Variants in GABRR2 observed in about 807,000 individuals in gnomAD.
The protein encoded by GABRR2 is gamma-aminobutyric acid type A receptor subunit rho2.
Under a neutral mutation model 47.0 loss-of-function variants are expected in GABRR2, and 36 were observed. That is an observed-to-expected ratio of 0.77 (90% CI 0.59 to 1.01). The LOEUF is 1.01. Among genes scored for constraint, GABRR2 ranks in the 50% least tolerant of loss-of-function variants. GABRR2 has a pLI of 0.00. For missense variants in GABRR2, 587 were observed against 594.6 expected, an observed-to-expected ratio of 0.99 and a Z score of 0.13; for synonymous variants, 204 against 227.5, an observed-to-expected ratio of 0.90 and a Z score of 0.93.
Position 89,257,799 on chromosome 6 carries a change from C to T in GABRR2, c.1269G>A (p.Lys423=), listed in dbSNP as rs1288180857. The change falls in exon 9 of 9, where the codon AAG becomes AAA. Residue 423 remains lysine (K), a synonymous_variant. Coordinates refer to ENST00000402938, the MANE Select transcript of GABRR2 (RefSeq NM_002043.5). ...AACCCGTCTGGCCCTTCAGAAGCCC[C>T]TTCTTTCTGGCAGCGTTGGCTTCAC... ...LSGEANAARK[K]GLLKGQTGFR... is the part of the protein sequence containing the mutation. The T allele has an allele frequency of 2.5e-6, 4 of 1,614,038 alleles. No homozygotes were observed. The highest frequency in any genetic ancestry group is 3.4e-6 in the Non-Finnish European group (4 of 1,179,890).
Position 89,257,070 on chromosome 6 carries a change from G to A in GABRR2, c.*600C>T, listed in dbSNP as rs1773616063. Reference sequence around the variant, plus strand: ...TCATTTCTACCGTACCTGGCACAGAGTGGGACCTCAATATTTAATGAATGG... The same window carrying A: ...TCATTTCTACCGTACCTGGCACAGAATGGGACCTCAATATTTAATGAATGG... On this transcript the variant is annotated 3_prime_UTR_variant, in exon 9 of 9. Coordinates refer to ENST00000402938, the MANE Select transcript of GABRR2 (RefSeq NM_002043.5). 6.5e-6 allele frequency: 1 copy of A among 152,920 alleles called. No individual in the cohort carries two copies. Among genetic ancestry groups the A allele is most frequent in the Non-Finnish European group, 1.5e-5 (1 of 68,614 alleles). The allele number at this position is 152,920 out of a possible 1,614,324, so 9.5% of individuals were successfully genotyped here. A position where few individuals can be genotyped will look rare whatever the true frequency, so the allele number is the denominator to read the frequency against.
chr6:89,300,497 G>A (rs576239009), intron 1 of GABRR2, among the ~76,000 whole-genome samples: 42 of 142,096 alleles, frequency 3.0e-4, no homozygotes, highest in African/African-American at 8.1e-4. Flanking sequence ...AGACTCTGTC[G>A]CAAAAAAAAA....
At position 89,292,343 on chromosome 6, in the gene GABRR2, A is replaced by T. The variant is rs1439974005; in HGVS notation, c.220+7416T>A. ...CAGCATGGTGGTTTCTCAAAAAAAA[A>T]TTTTATATATATATATATATATATA... On this transcript the variant is annotated intron_variant, in intron 2 of 8. Transcript: ENST00000402938. Among the ~76,000 whole-genome samples, 14 of 37,308 alleles carry T rather than the reference A, an allele frequency of 3.8e-4. 1 individual carries two copies. Among genetic ancestry groups the T allele is most frequent in the Admixed American group, 4.3e-4 (1 of 2,352 alleles). 24.5% of individuals were successfully genotyped at this position (37,308 alleles called of 152,430 possible).
At chr6:89,303,689 C>T (rs1226547617) in intron 1 of GABRR2, among the ~76,000 whole-genome samples, 1 of 142,228 alleles carries the variant, frequency 7.0e-6, no homozygotes, top group Non-Finnish European at 1.5e-5. Context: ...GGAGACATCA[C>T]ATTACCTGAC....
intron 2 of GABRR2, among the ~76,000 whole-genome samples, chr6:89,272,751 GAA>G (rs1284382159): frequency 6.6e-6 from 1 of 152,190 alleles, no homozygotes; most frequent in African/African-American, 2.4e-5. Flanking sequence ...TGAGCGGGGA[GAA>G]CCTTGGGGGG....
In GABRR2 at chr6:89,292,779, CGTATATACG is replaced by C. The variant is rs1562379677; in HGVS notation, c.220+6971_220+6979del. On this transcript the variant is annotated intron_variant, in intron 2 of 8. Transcript: ENST00000402938. ...CGTATATACGATATATCGTATATATCGTATATACGATATATCGTATATATCGTATATACG... is the reference window on the plus strand; with the variant it reads ...CGTATATACGATATATCGTATATATCATATATCGTATATATCGTATATACG... Among the ~76,000 whole-genome samples, 167 of 90,890 alleles carry C rather than the reference CGTATATACG, an allele frequency of 1.8e-3. 15 individuals are homozygous for C. Among genetic ancestry groups the C allele is most frequent in the South Asian group, 4.5e-3 (11 of 2,430 alleles). The allele number at this position is 90,890 out of a possible 152,430, so 59.6% of individuals were successfully genotyped here.
At chr6:89,282,317 C>T (rs1216727268) in intron 2 of GABRR2, among the ~76,000 whole-genome samples, 1 of 152,146 alleles carries the variant, frequency 6.6e-6, no homozygotes, top group African/African-American at 2.4e-5. Context: ...CCTACAGCTC[C>T]CCAGGGGTTG....
rs114310069 is a variant in GABRR2, at chr6:89,291,479, C to T, written c.220+8280G>A. On this transcript the variant is annotated intron_variant, in intron 2 of 8. Transcript: ENST00000402938. Reference sequence around the variant, plus strand: ...CTCTGCACTCCCTCCTGTCTACACACGCACACACTAGATATAATCCAGCCA... The same window carrying T: ...CTCTGCACTCCCTCCTGTCTACACATGCACACACTAGATATAATCCAGCCA... Among the ~76,000 whole-genome samples the T allele has an allele frequency of 9.1e-3, 1,387 of 152,146 alleles. 21 individuals are homozygous for T. Among genetic ancestry groups the T allele is most frequent in the African/African-American group, 0.032 (1,308 of 41,494 alleles).
At chr6:89,274,379 T>G (rs1460806879) in intron 2 of GABRR2, among the ~76,000 whole-genome samples, 1 of 152,186 alleles carries the variant, frequency 6.6e-6, no homozygotes, top group African/African-American at 2.4e-5. Flanking sequence ...GCTCTCAAGA[T>G]CTCCACTTTG....
Position 89,265,643 on chromosome 6 carries a change from G to A in GABRR2, c.859C>T (p.Arg287Cys), listed in dbSNP as rs575098710. The A allele has an allele frequency of 1.2e-5, 19 of 1,614,098 alleles. No homozygotes were observed. In the East Asian group the frequency reaches 1.6e-4, roughly 13 times the overall value. ...MLSWVSFWID[R>C]RAVPARVSLG... Reference sequence around the variant, plus strand: ...GAAACTCTGGCAGGCACAGCTCTGCGGTCGATCCAGAAGGACACCCAGGAC... The same window carrying A: ...GAAACTCTGGCAGGCACAGCTCTGCAGTCGATCCAGAAGGACACCCAGGAC... Residue 287 changes from arginine (R) to cysteine (C), a missense_variant, in exon 7 of 9, where the codon CGC becomes TGC. Coordinates refer to ENST00000402938, the MANE Select transcript of GABRR2 (RefSeq NM_002043.5).
chr6:89,275,966 C>G (rs1412970403), intron 2 of GABRR2, among the ~76,000 whole-genome samples: 2 of 151,756 alleles, frequency 1.3e-5, no homozygotes, highest in Non-Finnish European at 2.9e-5. Flanking sequence ...CCACCAGGCA[C>G]CTGGCAGAAA....
intron 7 of GABRR2, 90 bp downstream of exon 7, chr6:89,265,520 TAAG>T: frequency 7.2e-7 from 1 of 1,391,872 alleles, no homozygotes; most frequent in African/African-American, 1.4e-5. Context: ...GCTCATCAGT[TAAG>T]AAGTCTAAGT....
chr6:89,272,001 C>T (rs1774063941), intron 2 of GABRR2, among the ~76,000 whole-genome samples: 1 of 152,204 alleles, frequency 6.6e-6, no homozygotes, highest in Non-Finnish European at 1.5e-5. Context: ...CCACTTTTTA[C>T]ATCCCAGGGC....
chr6:89,287,615 A>T (rs1774354795), intron 2 of GABRR2, among the ~76,000 whole-genome samples: 1 of 152,200 alleles, frequency 6.6e-6, no homozygotes, highest in South Asian at 2.1e-4. Flanking sequence ...GGGACATCTG[A>T]GTCCATCCTC....
intron 2 of GABRR2, among the ~76,000 whole-genome samples, chr6:89,297,631 G>A (rs1774579082): frequency 6.6e-6 from 1 of 152,186 alleles, no homozygotes; most frequent in Admixed American, 6.5e-5. Flanking sequence ...GAGGTGGGTG[G>A]ATCACTTGAG....
At chr6:89,309,390 C>G (rs1279426559) in intron 1 of GABRR2, among the ~76,000 whole-genome samples, 5 of 152,146 alleles carry the variant, frequency 3.3e-5, no homozygotes, top group Non-Finnish European at 7.4e-5. Context: ...GCTTCTCCCC[C>G]TTTCATGGCT....
intron 1 of GABRR2, among the ~76,000 whole-genome samples, chr6:89,311,598 G>A (rs1356762086): frequency 6.6e-6 from 1 of 152,190 alleles, no homozygotes; most frequent in East Asian, 1.9e-4. Context: ...TGGGTGAGGG[G>A]TGAGGGAAGA....
chr6:89,304,823 G>T (rs991038538), intron 1 of GABRR2, among the ~76,000 whole-genome samples: 4 of 152,088 alleles, frequency 2.6e-5, no homozygotes, highest in African/African-American at 9.7e-5. Context: ...AAAAGAGAAC[G>T]TTTATACACT....
In GABRR2 at chr6:89,302,503, G is replaced by A. The variant is rs111351433; in HGVS notation, c.114-2638C>T. ...GATCACTACCTCCTTGTGCTTCCCG[G>A]GCCAGCTCAATGCGGACCTGCACAA... On this transcript the variant is annotated intron_variant, in intron 1 of 8. Coordinates refer to ENST00000402938, the MANE Select transcript of GABRR2 (RefSeq NM_002043.5). The A allele has an allele frequency of 7.1e-4, 516 of 725,644 alleles. 4 individuals carry two copies. In the African/African-American group the frequency reaches 8.4e-3, roughly 12 times the overall value. The allele number at this position is 725,644 out of a possible 1,614,324, so 45.0% of individuals were successfully genotyped here.
Sources: gnomAD v4.1 joint callset for allele counts (sites outside exome capture counted in the v4.1 genomes callset) on GRCh38, gnomAD v4.1.1 for gene constraint, MANE v1.5 for transcripts, NCBI Gene and HGNC (gene_info 2026-07-23, HGNC 2026-07-21) for gene names.